Variants in FOXJ3 observed in about 807,000 individuals in gnomAD.
The protein encoded by FOXJ3 is forkhead box protein J3.
Under a neutral mutation model 76.1 loss-of-function variants are expected in FOXJ3, and 22 were observed. The ratio of observed to expected loss-of-function variants is 0.29; its 90% CI spans 0.21 to 0.41. The LOEUF (loss-of-function observed/expected upper bound fraction) is 0.41. Ranked by LOEUF, FOXJ3 falls within the 10% of genes least tolerant of loss-of-function variation. The pLI is 1.00. For missense variants in FOXJ3, 613 were observed against 762.1 expected (o/e 0.80, Z 2.30); for synonymous variants, 269 against 261.2 (o/e 1.03, Z -0.29).
At chr1:42,313,063 A>T (rs984193815) in intron 1 of FOXJ3, among the ~76,000 whole-genome samples, 5 of 152,116 alleles carry the variant, frequency 3.3e-5, no homozygotes, top group African/African-American at 1.2e-4. Context: ...GGCTGGGCGC[A>T]GTGGCTCATA....
intron 11 of FOXJ3, among the ~76,000 whole-genome samples, chr1:42,182,632 G>C (rs552902757): frequency 9.2e-5 from 14 of 152,226 alleles, no homozygotes; most frequent in African/African-American, 3.4e-4. Context: ...CAAGTAGCTG[G>C]GATTACAGGC....
chr1:42,261,136 A>G (rs1480646041), intron 4 of FOXJ3, among the ~76,000 whole-genome samples: 1 of 152,120 alleles, frequency 6.6e-6, no homozygotes, highest in African/African-American at 2.4e-5. Flanking sequence ...CCTGATGTAA[A>G]TATTTACCTT....
chr1:42,181,351 A>G (rs1253652259), intron 12 of FOXJ3, among the ~76,000 whole-genome samples: 2 of 152,202 alleles, frequency 1.3e-5, no homozygotes, highest in East Asian at 1.9e-4. Flanking sequence ...GGAAAAGTGT[A>G]TGAACCACTT....
At chr1:42,204,536 T>C (rs1237931951) in intron 6 of FOXJ3, among the ~76,000 whole-genome samples, 1 of 152,150 alleles carries the variant, frequency 6.6e-6, no homozygotes, top group Non-Finnish European at 1.5e-5. Context: ...CAGAGCAGTA[T>C]TAGGTATTTC....
At chr1:42,286,548 C>T (rs1245951793) in intron 2 of FOXJ3, among the ~76,000 whole-genome samples, 2 of 152,204 alleles carry the variant, frequency 1.3e-5, no homozygotes, top group Non-Finnish European at 2.9e-5. Context: ...ATATAAAGCA[C>T]TGAGAACACC....
rs1266606567 is a variant in FOXJ3, at chr1:42,179,533, G to A, written c.*177C>T. 3 of 468,412 alleles carry A rather than the reference G, an allele frequency of 6.4e-6. No homozygotes were observed. The highest frequency in any genetic ancestry group is 3.5e-5 in the Admixed American group (1 of 28,784). 29.0% of individuals were successfully genotyped at this position (468,412 alleles called of 1,614,324 possible). ...AGACAAACATGTAGTACTTGCTTGG[G>A]TCAGATAAAAGCAGTAAGTTATCCA... On this transcript the variant is annotated 3_prime_UTR_variant, in exon 13 of 13. Coordinates refer to ENST00000361346, the MANE Select transcript of FOXJ3 (RefSeq NM_014947.5).
chr1:42,235,069 C>A (rs1202091989), intron 4 of FOXJ3, among the ~76,000 whole-genome samples: 7 of 152,200 alleles, frequency 4.6e-5, no homozygotes, highest in African/African-American at 1.7e-4. Flanking sequence ...AGCTTCCTGG[C>A]CGCTTTGTTT....
At chr1:42,309,308 A>G (rs1654663681) in intron 2 of FOXJ3, among the ~76,000 whole-genome samples, 1 of 152,152 alleles carries the variant, frequency 6.6e-6, no homozygotes. Flanking sequence ...CATACAAGGC[A>G]GCCTCCTGCC....
Position 42,303,145 on chromosome 1 carries a change from TATAGC to T in FOXJ3, c.44+7900_44+7904del, listed in dbSNP as rs1468493244. ...AAAGCCTGAAATTACAATAAATACT[TATAGC>T]CAAGAGGCAGTAGAGTTAAATGGTT... On this transcript the variant is annotated intron_variant, in intron 2 of 12. Coordinates refer to ENST00000361346, the MANE Select transcript of FOXJ3 (RefSeq NM_014947.5). Among the ~76,000 whole-genome samples the T allele has an allele frequency of 3.9e-5, 6 of 152,282 alleles. No individual in the cohort carries two copies. In the East Asian group the frequency reaches 1.2e-3, roughly 29 times the overall value.
At chr1:42,227,690 T>C (rs991593790) in intron 5 of FOXJ3, among the ~76,000 whole-genome samples, 193 bp downstream of exon 5, 1 of 152,224 alleles carries the variant, frequency 6.6e-6, no homozygotes, top group African/African-American at 2.4e-5. Context: ...TTTTACTTAA[T>C]TCCTAAACTG....
intron 3 of FOXJ3, among the ~76,000 whole-genome samples, chr1:42,272,878 C>G (rs540863346): frequency 3.9e-5 from 6 of 152,318 alleles, no homozygotes; most frequent in African/African-American, 1.4e-4. Flanking sequence ...CTATCACGTT[C>G]TCTACTGCAA....
At chr1:42,306,309 T>C (rs994426490) in intron 2 of FOXJ3, among the ~76,000 whole-genome samples, 41 of 141,246 alleles carry the variant, frequency 2.9e-4, no homozygotes, top group African/African-American at 9.8e-4. Context: ...TTTTTTTTTT[T>C]TTTTTTTTTT....
intron 5 of FOXJ3, among the ~76,000 whole-genome samples, chr1:42,225,872 A>G (rs1425835589): frequency 6.6e-6 from 1 of 152,212 alleles, no homozygotes; most frequent in Non-Finnish European, 1.5e-5. Context: ...AAGACTCTCA[A>G]AAATAGGGAG....
At chr1:42,198,183 T>C (rs746266773) in intron 7 of FOXJ3, among the ~76,000 whole-genome samples, 6 of 152,232 alleles carry the variant, frequency 3.9e-5, no homozygotes, top group Non-Finnish European at 7.3e-5. Context: ...GTTCTCCACA[T>C]TTATTGTCTT....
intron 4 of FOXJ3, among the ~76,000 whole-genome samples, chr1:42,231,283 G>A (rs1444952992): frequency 1.3e-5 from 2 of 152,110 alleles, no homozygotes; most frequent in African/African-American, 2.4e-5. Flanking sequence ...CCGAGATCAC[G>A]CCACTGCACT....
At chr1:42,306,984 A>C (rs1429927852) in intron 2 of FOXJ3, among the ~76,000 whole-genome samples, 1 of 152,164 alleles carries the variant, frequency 6.6e-6, no homozygotes, top group Non-Finnish European at 1.5e-5. Flanking sequence ...TGGTGCTTGC[A>C]CTAAGACTCT....
At chr1:42,259,713 ACAAT>A (rs1650888340) in intron 4 of FOXJ3, among the ~76,000 whole-genome samples, 1 of 152,192 alleles carries the variant, frequency 6.6e-6, no homozygotes, top group Admixed American at 6.5e-5. Flanking sequence ...CTCTGTCTCG[ACAAT>A]CACTCAATGG....
At chr1:42,318,202 T>A (rs986623240) in intron 1 of FOXJ3, among the ~76,000 whole-genome samples, 3 of 152,134 alleles carry the variant, frequency 2.0e-5, no homozygotes, top group Admixed American at 6.5e-5. Context: ...TACAAACAAC[T>A]CTTACAACTC....
rs139778944 is a variant in FOXJ3 at position 42,187,021 on chromosome 1, T to C, written c.1645+1716A>G. ...TGCCACCAGGTCCGGCTAATTTTTG[T>C]ATTTTTAGTAGAGACGGGGTTTCGC... On this transcript the variant is annotated intron_variant, in intron 11 of 12. Coordinates refer to ENST00000361346, the MANE Select transcript of FOXJ3 (RefSeq NM_014947.5). Among the ~76,000 whole-genome samples, 42 of 152,262 alleles carry C rather than the reference T, an allele frequency of 2.8e-4. No homozygotes were observed. In the East Asian group the frequency reaches 6.8e-3, roughly 24 times the overall value.
Sources: gnomAD v4.1 joint callset for allele counts (sites outside exome capture counted in the v4.1 genomes callset) on GRCh38, gnomAD v4.1.1 for gene constraint, MANE v1.5 for transcripts, NCBI Gene and HGNC (gene_info 2026-07-23, HGNC 2026-07-21) for gene names.